Variants in MAPK10 observed in about 807,000 individuals in gnomAD.
MAPK10 encodes the protein mitogen-activated protein kinase 10.
MAPK10 carries 25 observed loss-of-function variants against 59.3 expected under a neutral mutation model. That is an observed-to-expected ratio of 0.42 (90% CI 0.31 to 0.59). MAPK10 has a LOEUF of 0.59. Ranked by LOEUF, MAPK10 falls within the 20% of genes least tolerant of loss-of-function variation. The probability of loss-of-function intolerance (pLI) is 0.15; values close to 1 mark genes in which losing one functional copy is unlikely to be tolerated. For missense variants in MAPK10, 351 were observed against 568.9 expected (o/e 0.62, Z 3.90); for synonymous variants, 190 against 200.5 (o/e 0.95, Z 0.44).
chr4:86,070,778 A>C lies in MAPK10; in HGVS notation c.803-2823T>G, dbSNP rs1236197363. Among the ~76,000 whole-genome samples, 6 of 151,182 alleles carry C rather than the reference A, an allele frequency of 4.0e-5. No homozygotes were observed. In the East Asian group the frequency reaches 1.2e-3, roughly 30 times the overall value. ...GGTGTATATGTGCCACATTTTCTTA[A>C]TCCAGTCTATCATTGTTGGACATTT... On this transcript the variant is annotated intron_variant, in intron 9 of 13. Transcript: ENST00000641462.
At chr4:86,279,178 A>G (rs924157331) in intron 2 of MAPK10, among the ~76,000 whole-genome samples, 7 of 152,216 alleles carry the variant, frequency 4.6e-5, no homozygotes, top group African/African-American at 1.7e-4. Flanking sequence ...TTGAAAGTAC[A>G]TAAATTTATA....
intron 1 of MAPK10, among the ~76,000 whole-genome samples, chr4:86,498,473 T>C (rs1755060293): frequency 6.6e-6 from 1 of 152,166 alleles, no homozygotes; most frequent in Non-Finnish European, 1.5e-5. Flanking sequence ...TCAAACTGAG[T>C]GCCCTGAAAA....
At chr4:86,278,033 A>G (rs554766432) in intron 2 of MAPK10, among the ~76,000 whole-genome samples, 1 of 152,242 alleles carries the variant, frequency 6.6e-6, no homozygotes, top group African/African-American at 2.4e-5. Flanking sequence ...AAAACATACA[A>G]AAGAGGATGG....
At chr4:86,102,249 T>C in intron 6 of MAPK10, 1 of 436,040 alleles carries the variant, frequency 2.3e-6, no homozygotes, top group Non-Finnish European at 4.1e-6. Context: ...TAATGTCTGG[T>C]TCATGTCCAC....
chr4:86,320,362 C>G (rs560767128), intron 2 of MAPK10, among the ~76,000 whole-genome samples: 1 of 152,110 alleles, frequency 6.6e-6, no homozygotes, highest in Non-Finnish European at 1.5e-5. Flanking sequence ...TTAATGAGAG[C>G]CTGCAGTGAT....
intron 8 of MAPK10, chr4:86,100,299 GCTTT>G (rs1383116528): frequency 2.0e-5 from 3 of 152,056 alleles, no homozygotes; most frequent in African/African-American, 7.2e-5. Flanking sequence ...ACATTGCAAT[GCTTT>G]CTAACATATT....
chr4:86,539,778 A>G (rs1031687235), intron 1 of MAPK10, among the ~76,000 whole-genome samples: 1 of 152,220 alleles, frequency 6.6e-6, no homozygotes, highest in Non-Finnish European at 1.5e-5. Context: ...CTGATCCAAT[A>G]ACTGTCCCAC....
At chr4:86,427,084 G>A (rs1359631558) in intron 1 of MAPK10, among the ~76,000 whole-genome samples, 1 of 151,540 alleles carries the variant, frequency 6.6e-6, no homozygotes, top group Non-Finnish European at 1.5e-5. Flanking sequence ...GGTGAAACCC[G>A]TCTCTACTAA....
intron 2 of MAPK10, among the ~76,000 whole-genome samples, chr4:86,222,317 C>A (rs922338839): frequency 1.3e-5 from 2 of 152,166 alleles, no homozygotes; most frequent in Admixed American, 1.3e-4. Flanking sequence ...CTAAGGCACT[C>A]ATTTATCCAA....
chr4:86,316,527 A>G (rs1227259927), intron 2 of MAPK10, among the ~76,000 whole-genome samples: 1 of 152,198 alleles, frequency 6.6e-6, no homozygotes, highest in African/African-American at 2.4e-5. Flanking sequence ...ACATATGCAT[A>G]TACATGCACA....
At chr4:86,459,909 T>A (rs1275479321) in intron 1 of MAPK10, among the ~76,000 whole-genome samples, 1 of 151,800 alleles carries the variant, frequency 6.6e-6, no homozygotes, top group Non-Finnish European at 1.5e-5. Flanking sequence ...CCCAATAACT[T>A]ATGGAAATAA....
intron 1 of MAPK10, among the ~76,000 whole-genome samples, chr4:86,507,510 A>G (rs1290691157): frequency 6.7e-6 from 1 of 150,086 alleles, no homozygotes; most frequent in East Asian, 2.0e-4. Flanking sequence ...CATGTGCACA[A>G]TAATGTTTAT....
intron 9 of MAPK10, among the ~76,000 whole-genome samples, chr4:86,084,686 A>T (rs2051385057): frequency 6.9e-6 from 1 of 144,680 alleles, no homozygotes; most frequent in Non-Finnish European, 1.5e-5. Context: ...AAAGCAATCT[A>T]CAGATTCAAT....
chr4:86,089,180 A>T, intron 9 of MAPK10: 1 of 1,584,702 alleles, frequency 6.3e-7, no homozygotes, highest in South Asian at 1.1e-5. Context: ...ACACCCATAG[A>T]TACCACTGGC....
At chr4:86,299,857 C>A (rs556395628) in intron 2 of MAPK10, among the ~76,000 whole-genome samples, 20 of 152,132 alleles carry the variant, frequency 1.3e-4, no homozygotes, top group African/African-American at 4.3e-4. Flanking sequence ...GTATTTACAT[C>A]TTTTAAGAGA....
chr4:86,489,606 A>G lies in MAPK10; in HGVS notation c.-263+104304T>C, dbSNP rs140522335. On this transcript the variant is annotated intron_variant, in intron 1 of 4. Coordinates refer to the MAPK10 transcript ENST00000502302. Reference sequence around the variant, plus strand: ...GCATTCTAACCGATACCAAAAAGGAAAAGGATTTCTCCTAAAGTAGTATTT... The same window carrying G: ...GCATTCTAACCGATACCAAAAAGGAGAAGGATTTCTCCTAAAGTAGTATTT... Among the ~76,000 whole-genome samples the G allele has an allele frequency of 7.2e-3, 1,099 of 152,326 alleles. 48 individuals carry two copies. The highest frequency in any genetic ancestry group is 0.066 in the Admixed American group (1,005 of 15,302).
chr4:86,237,486 T>C (rs191569024), intron 2 of MAPK10, among the ~76,000 whole-genome samples: 1 of 152,310 alleles, frequency 6.6e-6, no homozygotes, highest in Non-Finnish European at 1.5e-5. Flanking sequence ...TATAAAAGCG[T>C]TGCTATTTCT....
rs139814782 is a variant in MAPK10 at position 86,528,975 on chromosome 4, G to C, written c.-263+64935C>G. 1.5e-3 allele frequency among the ~76,000 whole-genome samples: 224 copies of C among 152,324 alleles called. 2 individuals carry two copies. Among genetic ancestry groups the C allele is most frequent in the African/African-American group, 5.1e-3 (211 of 41,580 alleles). The stretch of plus-strand genomic sequence containing the variant: ...TTGGGAATTTGGTGGGGTGGGGGAA[G>C]TAGGGTTGGGTGAAGGGAAGAGTTC... On this transcript the variant is annotated intron_variant, in intron 1 of 4. Transcript: ENST00000502302.
At chr4:86,158,293 C>A (rs1421249080) in intron 4 of MAPK10, among the ~76,000 whole-genome samples, 4 of 151,796 alleles carry the variant, frequency 2.6e-5, no homozygotes, top group Non-Finnish European at 5.9e-5. Flanking sequence ...AGGAACCCAG[C>A]CTGCCACCAT....
Sources: gnomAD v4.1 joint callset for allele counts (sites outside exome capture counted in the v4.1 genomes callset) on GRCh38, gnomAD v4.1.1 for gene constraint, MANE v1.5 for transcripts, NCBI Gene and HGNC (gene_info 2026-07-23, HGNC 2026-07-21) for gene names.